KAT6A: variants seen among roughly 807,000 people sequenced by gnomAD.
KAT6A encodes the protein lysine acetyltransferase 6A.
A neutral mutation model predicts 198.4 loss-of-function variants in KAT6A; 9 were observed. The observed-to-expected ratio is 0.05, with a 90% CI of 0.03 to 0.08. The LOEUF is 0.08. KAT6A is among the 10% of genes least tolerant of loss of function. KAT6A has a pLI of 1.00. For missense variants in KAT6A, 2,077 were observed against 2,509.9 expected, an observed-to-expected ratio of 0.83 and a Z score of 3.69; for synonymous variants, 890 against 883.0, an observed-to-expected ratio of 1.01 and a Z score of -0.14.
intron 14 of KAT6A, 42 bp downstream of exon 14, chr8:41,942,751 A>T (rs1012539916): frequency 6.3e-7 from 1 of 1,595,508 alleles, no homozygotes; most frequent in Admixed American, 1.7e-5. Flanking sequence ...AATCAAAAAT[A>T]TATCTTCTGT....
At chr8:41,992,478 G>GT (rs1824995336) in intron 2 of KAT6A, among the ~76,000 whole-genome samples, 1 of 152,218 alleles carries the variant, frequency 6.6e-6, no homozygotes, top group Non-Finnish European at 1.5e-5. Context: ...TAGAGGCAGT[G>GT]AAGATCAAAT....
intron 2 of KAT6A, among the ~76,000 whole-genome samples, chr8:42,006,823 C>T (rs574538130): frequency 9.9e-5 from 15 of 152,036 alleles, no homozygotes; most frequent in African/African-American, 3.6e-4. Context: ...TGGTGAAACC[C>T]TGTTTCTACT....
At chr8:42,015,449 A>G (rs530701719) in intron 2 of KAT6A, among the ~76,000 whole-genome samples, 1 of 152,346 alleles carries the variant, frequency 6.6e-6, no homozygotes, top group East Asian at 1.9e-4. Context: ...ACTGCCACTC[A>G]TAAAACAGCA....
intron 14 of KAT6A, among the ~76,000 whole-genome samples, chr8:41,941,759 T>C (rs1459099231): frequency 6.6e-6 from 1 of 152,210 alleles, no homozygotes; most frequent in African/African-American, 2.4e-5. Flanking sequence ...GATGCTGGGA[T>C]AGAAAGCCTG....
Position 42,049,275 on chromosome 8 carries a change from C to G in KAT6A, c.-298G>C, listed in dbSNP as rs1802476544. On this transcript the variant is annotated 5_prime_UTR_variant, in exon 2 of 17. Coordinates refer to ENST00000265713, the MANE Select transcript of KAT6A (RefSeq NM_006766.5). Reference sequence around the variant, plus strand: ...ACTCAAGAATATTTCATTCCCGGCTCCAGAGCAGAAAAATGTGCATCTTAT... The same window carrying G: ...ACTCAAGAATATTTCATTCCCGGCTGCAGAGCAGAAAAATGTGCATCTTAT... 4 of 350,334 alleles carry G rather than the reference C, an allele frequency of 1.1e-5. No individual in the cohort carries two copies. Among genetic ancestry groups the G allele is most frequent in the Non-Finnish European group, 2.1e-5 (4 of 192,944 alleles). The allele number at this position is 350,334 out of a possible 1,614,324, so 21.7% of individuals were successfully genotyped here.
intron 2 of KAT6A, among the ~76,000 whole-genome samples, chr8:42,003,914 C>A (rs1825617556): frequency 6.6e-6 from 1 of 152,112 alleles, no homozygotes; most frequent in Admixed American, 6.5e-5. Flanking sequence ...GATAACCTTG[C>A]CGGTGCCTTG....
At chr8:42,005,103 A>C (rs1346099860) in intron 2 of KAT6A, among the ~76,000 whole-genome samples, 1 of 152,192 alleles carries the variant, frequency 6.6e-6, no homozygotes, top group Non-Finnish European at 1.5e-5. Flanking sequence ...ACTAGGCCAC[A>C]GTCCATTCCC....
intron 2 of KAT6A, among the ~76,000 whole-genome samples, chr8:42,023,720 C>G (rs1826660779): frequency 6.6e-6 from 1 of 151,866 alleles, no homozygotes; most frequent in Non-Finnish European, 1.5e-5. Flanking sequence ...CTCCTGGGCT[C>G]CAGTGATCCA....
In KAT6A at chr8:41,934,497, T is replaced by C. The variant is rs757875515; in HGVS notation, c.3723A>G (p.Glu1241=). The C allele has an allele frequency of 3.7e-6, 6 of 1,612,328 alleles. No individual in the cohort carries two copies. Among genetic ancestry groups the C allele is most frequent in the Admixed American group, 1.7e-5 (1 of 59,544 alleles). The part of the protein sequence containing the change: ...AEAEEAEEGE[E]EDAASSEVPA... ...GGACTTCACTGCTGGCTGCATCCTC[T>C]TCCTCACCCTCTTCAGCCTCTTCTG... Residue 1241 remains glutamate (E), a synonymous_variant, in exon 17 of 17, where the codon GAA becomes GAG. Coordinates refer to ENST00000265713, the MANE Select transcript of KAT6A (RefSeq NM_006766.5).
At chr8:42,026,475 G>A (rs1323764890) in intron 2 of KAT6A, among the ~76,000 whole-genome samples, 1 of 151,862 alleles carries the variant, frequency 6.6e-6, no homozygotes, top group Non-Finnish European at 1.5e-5. Context: ...CCCTTATAGA[G>A]GTCTTCCACC....
At chr8:41,985,354 C>T (rs1359659056) in intron 3 of KAT6A, among the ~76,000 whole-genome samples, 1 of 152,178 alleles carries the variant, frequency 6.6e-6, no homozygotes, top group Non-Finnish European at 1.5e-5. Context: ...TTCTACTATG[C>T]ATAAAAACTG....
intron 2 of KAT6A, among the ~76,000 whole-genome samples, chr8:42,021,306 T>TA (rs1826522414): frequency 1.3e-5 from 2 of 152,208 alleles, no homozygotes; most frequent in South Asian, 4.1e-4. Context: ...AACAAACTGA[T>TA]ACTTTGTTTT....
At chr8:41,971,185 T>C (rs1304873978) in intron 8 of KAT6A, among the ~76,000 whole-genome samples, 3 of 148,034 alleles carry the variant, frequency 2.0e-5, no homozygotes, top group Admixed American at 6.8e-5. Context: ...GTAACAAACC[T>C]GCACGTTGTG....
Position 41,978,790 on chromosome 8 carries a change from A to G in KAT6A, c.908-13T>C, listed in dbSNP as rs376262320. 1.9e-6 allele frequency: 3 copies of G among 1,611,144 alleles called. No homozygotes were observed. Among genetic ancestry groups the G allele is most frequent in the Admixed American group, 3.3e-5 (2 of 59,710 alleles). On this transcript the variant is annotated splice_polypyrimidine_tract_variant and intron_variant, in intron 5 of 16. Coordinates refer to ENST00000265713, the MANE Select transcript of KAT6A (RefSeq NM_006766.5). The stretch of plus-strand genomic sequence containing the variant: ...CATATCCACATGCCTATAAAAAAAT[A>G]AAATTCCACATAGAAGTGTGACAGA...
chr8:42,002,012 A>C (rs1825518648), intron 2 of KAT6A, among the ~76,000 whole-genome samples: 1 of 149,406 alleles, frequency 6.7e-6, no homozygotes, highest in East Asian at 2.1e-4. Flanking sequence ...ACGAGAGATA[A>C]GACTAAAATT....
intron 8 of KAT6A, among the ~76,000 whole-genome samples, chr8:41,962,109 T>G (rs1823231239): frequency 6.6e-6 from 1 of 152,166 alleles, no homozygotes; most frequent in South Asian, 2.1e-4. Flanking sequence ...TTTTTCCTAC[T>G]TCACTGGCCA....
Position 41,932,938 on chromosome 8 carries a change from T to G in KAT6A, c.5282A>C (p.Asn1761Thr). The G allele has an allele frequency of 6.2e-7, 1 of 1,614,072 alleles. No individual in the cohort carries two copies. The highest frequency in any genetic ancestry group is 1.1e-5 in the South Asian group (1 of 91,066). Residue 1761 changes from asparagine (N) to threonine (T), a missense_variant, in exon 17 of 17, where the codon AAC becomes ACC. Coordinates refer to ENST00000265713, the MANE Select transcript of KAT6A (RefSeq NM_006766.5). ...FSLAKLQQLTNTIMDPHAMPY... is the reference protein window; with the variant it reads ...FSLAKLQQLTTTIMDPHAMPY... ...CATGGCATGAGGGTCCATAATGGTG[T>G]TGGTCAGCTGCTGCAGCTTGGCTAG...
At chr8:41,985,060 C>T (rs1824539820) in intron 3 of KAT6A, among the ~76,000 whole-genome samples, 2 of 151,790 alleles carry the variant, frequency 1.3e-5, no homozygotes, top group Non-Finnish European at 2.9e-5. Flanking sequence ...ACGCACAGAC[C>T]ACCTCAAATA....
chr8:42,032,963 T>G (rs1379351957), intron 2 of KAT6A, among the ~76,000 whole-genome samples: 1 of 138,272 alleles, frequency 7.2e-6, no homozygotes, highest in Non-Finnish European at 1.5e-5. Context: ...CACGGCAAAC[T>G]CTGCCTCCCA....
Sources: gnomAD v4.1 joint callset for allele counts (sites outside exome capture counted in the v4.1 genomes callset) on GRCh38, gnomAD v4.1.1 for gene constraint, MANE v1.5 for transcripts, NCBI Gene and HGNC (gene_info 2026-07-23, HGNC 2026-07-21) for gene names.